Variants in ZC3H12C observed in about 807,000 individuals in gnomAD.
The protein encoded by ZC3H12C is probable ribonuclease ZC3H12C.
A neutral mutation model predicts 76.3 loss-of-function variants in ZC3H12C; 20 were observed. The observed-to-expected ratio is 0.26, with a 90% CI of 0.18 to 0.38. ZC3H12C has a LOEUF of 0.38. Among genes scored for constraint, ZC3H12C ranks in the 10% least tolerant of loss-of-function variants. The pLI, the probability that ZC3H12C is intolerant of heterozygous loss-of-function variation, is 1.00. For synonymous variants in ZC3H12C, 352 were observed against 399.6 expected (o/e 0.88, Z 1.42); for missense variants, 874 against 1,086.5 (o/e 0.80, Z 2.75).
At chr11:110,122,232 A>T (rs1398615864) in intron 1 of ZC3H12C, among the ~76,000 whole-genome samples, 1 of 152,214 alleles carries the variant, frequency 6.6e-6, no homozygotes, top group Non-Finnish European at 1.5e-5. Flanking sequence ...CCAGGCTTTG[A>T]TGGTGATATT....
At chr11:110,151,873 C>A (rs1404111589) in intron 2 of ZC3H12C, among the ~76,000 whole-genome samples, 3 of 151,918 alleles carry the variant, frequency 2.0e-5, no homozygotes, top group South Asian at 2.1e-4. Context: ...CTGTTTTTTA[C>A]TAAAAATGAT....
At chr11:110,107,383 T>G (rs539303680) in intron 1 of ZC3H12C, among the ~76,000 whole-genome samples, 1 of 152,044 alleles carries the variant, frequency 6.6e-6, no homozygotes, top group East Asian at 1.9e-4. Context: ...GAAGTCTTTT[T>G]TTTGTTTGTT....
At chr11:110,152,120 T>C (rs1445609222) in intron 2 of ZC3H12C, among the ~76,000 whole-genome samples, 2 of 152,140 alleles carry the variant, frequency 1.3e-5, no homozygotes. Context: ...TTCAAAAACA[T>C]TGGGATGGGT....
At chr11:110,123,210 G>A (rs1861681281) in intron 1 of ZC3H12C, among the ~76,000 whole-genome samples, 1 of 152,156 alleles carries the variant, frequency 6.6e-6, no homozygotes, top group South Asian at 2.1e-4. Context: ...CCATACACTA[G>A]CTGCCTCAGA....
At chr11:110,157,967 AACTT>A (rs776861220) in intron 3 of ZC3H12C, among the ~76,000 whole-genome samples, 8 of 152,194 alleles carry the variant, frequency 5.3e-5, no homozygotes, top group Non-Finnish European at 1.0e-4. Context: ...GATTGAAAAA[AACTT>A]AGTAAGTCCA....
rs1473000048 is a variant in ZC3H12C, at chr11:110,170,417, A to T, written c.*4680A>T. 6.6e-6 allele frequency: 1 copy of T among 152,214 alleles called. No individual in the cohort carries two copies. 9.4% of individuals were successfully genotyped at this position (152,214 alleles called of 1,614,324 possible). The stretch of plus-strand genomic sequence containing the variant: ...CATTGGTTTTGGCTTCTAATAAATA[A>T]CATATCTGCCATTCTTTAAAAATGA... On this transcript the variant is annotated 3_prime_UTR_variant, in exon 6 of 6. Coordinates refer to ENST00000278590, the MANE Select transcript of ZC3H12C (RefSeq NM_033390.2).
At chr11:110,119,716 G>C (rs1479971879) in intron 1 of ZC3H12C, among the ~76,000 whole-genome samples, 1 of 152,180 alleles carries the variant, frequency 6.6e-6, no homozygotes, top group Non-Finnish European at 1.5e-5. Flanking sequence ...CAAGGTGCTG[G>C]CAGCTTCGAT....
intron 1 of ZC3H12C, among the ~76,000 whole-genome samples, chr11:110,104,699 A>G (rs534631170): frequency 3.3e-5 from 5 of 152,292 alleles, no homozygotes; most frequent in African/African-American, 9.6e-5. Flanking sequence ...GAGAATCTCA[A>G]TTTATCTTTG....
chr11:110,129,489 A>G lies in ZC3H12C; in HGVS notation c.22-7174A>G, dbSNP rs189435347. 7.3e-4 allele frequency among the ~76,000 whole-genome samples: 111 copies of G among 152,272 alleles called. 1 individual carries two copies. Among genetic ancestry groups the G allele is most frequent in the African/African-American group, 2.3e-3 (94 of 41,568 alleles). On this transcript the variant is annotated intron_variant, in intron 1 of 5. Coordinates refer to ENST00000278590, the MANE Select transcript of ZC3H12C (RefSeq NM_033390.2). ...CCCAAACTAGTGTTACTTTTTTCCA[A>G]CTATTCACAAATGATCCTAATTGTG...
chr11:110,111,935 C>T (rs1337193867), intron 1 of ZC3H12C, among the ~76,000 whole-genome samples: 1 of 150,978 alleles, frequency 6.6e-6, no homozygotes, highest in African/African-American at 2.4e-5. Flanking sequence ...CCCCACATCC[C>T]CATCTTTCAG....
At chr11:110,125,175 A>G (rs1417022025) in intron 1 of ZC3H12C, among the ~76,000 whole-genome samples, 1 of 152,184 alleles carries the variant, frequency 6.6e-6, no homozygotes, top group Non-Finnish European at 1.5e-5. Context: ...CAAGCAATAC[A>G]TAAGTTCTTC....
rs1218281550 is a variant in ZC3H12C at position 110,159,460 on chromosome 11, G to A, written c.1118G>A (p.Arg373Gln). The A allele has an allele frequency of 1.2e-6, 2 of 1,611,624 alleles. No homozygotes were observed. The highest frequency in any genetic ancestry group is 1.7e-6 in the Non-Finnish European group (2 of 1,178,740). The change falls in exon 4 of 6, where the codon CGA becomes CAA. Residue 373 changes from arginine to glutamine, a missense_variant. Physicochemically the swap from Arg to Gln is conservative, Grantham distance 43. Transcript: ENST00000278590. ...KPEWKKFIDE[R>Q]LLMYSFVNDK... ...GAATGGAAGAAGTTCATAGATGAAC[G>A]ATTATTAATGTATTCATTTGTCAAT...
chr11:110,105,395 A>G (rs557699168), intron 1 of ZC3H12C, among the ~76,000 whole-genome samples: 36 of 152,218 alleles, frequency 2.4e-4, no homozygotes, highest in Admixed American at 8.5e-4. Flanking sequence ...GCTAAGATAG[A>G]AAAGTGCCTT....
chr11:110,152,917 A>G lies in ZC3H12C; in HGVS notation c.774-2A>G. 4 of 1,611,254 alleles carry G rather than the reference A, an allele frequency of 2.5e-6. No individual in the cohort carries two copies. Among genetic ancestry groups the G allele is most frequent in the Non-Finnish European group, 3.4e-6 (4 of 1,178,600 alleles). On this transcript the variant is annotated splice_acceptor_variant, in intron 2 of 5. Coordinates refer to ENST00000278590, the MANE Select transcript of ZC3H12C (RefSeq NM_033390.2). LOFTEE classifies it high-confidence loss of function. ...TTTAAGTGTTCCGTAATAATCTTTC[A>G]GCCATGGAAACAAAGAAGTATTTTC...
At chr11:110,102,333 T>C (rs915719558) in intron 1 of ZC3H12C, among the ~76,000 whole-genome samples, 4 of 150,876 alleles carry the variant, frequency 2.7e-5, no homozygotes, top group Non-Finnish European at 5.9e-5. Flanking sequence ...TTGGAAGAAG[T>C]TGACTCTAAC....
At chr11:110,137,731 TTGATA>T (rs1455797022) in intron 2 of ZC3H12C, among the ~76,000 whole-genome samples, 2 of 152,210 alleles carry the variant, frequency 1.3e-5, no homozygotes, top group Non-Finnish European at 2.9e-5. Context: ...AATGAATAAT[TTGATA>T]TGATAATATT....
intron 1 of ZC3H12C, among the ~76,000 whole-genome samples, chr11:110,128,147 T>C (rs1861788304): frequency 6.6e-6 from 1 of 151,710 alleles, no homozygotes; most frequent in African/African-American, 2.4e-5. Context: ...CTGTCATAAG[T>C]GTGCATTGTG....
rs1195148379 is a variant in ZC3H12C, at chr11:110,132,187, C to CCTGATTAATTTGAGGTCCATAT, written c.22-4476_22-4475insCTGATTAATTTGAGGTCCATAT. ...TAAGTCGGCTTAACAAGTTTATGGT[C>CCTGATTAATTTGAGGTCCATAT]TAATATTCCTGATTAATATGAGGCT... On this transcript the variant is annotated intron_variant, in intron 1 of 5. Transcript: ENST00000278590. Among the ~76,000 whole-genome samples the CCTGATTAATTTGAGGTCCATAT allele has an allele frequency of 5.3e-5, 8 of 152,162 alleles. No individual in the cohort carries two copies. In the East Asian group the frequency reaches 1.5e-3, roughly 29 times the overall value.
chr11:110,154,369 C>CAAA lies in ZC3H12C; in HGVS notation c.913+1322_913+1324dup, dbSNP rs11410915. Reference sequence around the variant, plus strand: ...TGGGTGACACAGTGAGACCCCATCTCAAAAAAAAAAAAAGACTTAGTTTTT... The same window carrying CAAA: ...TGGGTGACACAGTGAGACCCCATCTCAAAAAAAAAAAAAAAAGACTTAGTTTTT... On this transcript the variant is annotated intron_variant, in intron 3 of 5. Transcript: ENST00000278590. Among the ~76,000 whole-genome samples the CAAA allele has an allele frequency of 4.2e-5, 6 of 141,206 alleles. 1 individual carries two copies. The highest frequency in any genetic ancestry group is 1.3e-4 in the African/African-American group (5 of 37,618). 92.6% of individuals were successfully genotyped at this position (141,206 alleles called of 152,430 possible). A position where few individuals can be genotyped will look rare whatever the true frequency, so the allele number is the denominator to read the frequency against.
Sources: allele counts gnomAD v4.1 joint callset (sites outside exome capture counted in the v4.1 genomes callset), GRCh38; gene constraint gnomAD v4.1.1; transcripts MANE v1.5; gene names NCBI Gene and HGNC (gene_info 2026-07-23, HGNC 2026-07-21).